PSD3: variants seen among roughly 807,000 people sequenced by gnomAD.
PSD3 encodes the protein PH and SEC7 domain-containing protein 3.
PSD3 carries 49 observed loss-of-function variants against 105.5 expected under a neutral mutation model. The observed-to-expected ratio is 0.46, with a 90% CI of 0.37 to 0.59. The LOEUF (loss-of-function observed/expected upper bound fraction) is 0.59. PSD3 is among the 20% of genes least tolerant of loss of function. The probability of loss-of-function intolerance (pLI) is 0.00; values close to 1 mark genes in which losing one functional copy is unlikely to be tolerated. For synonymous variants in PSD3, 557 were observed against 457.8 expected (o/e 1.22, Z -2.77); for missense variants, 1,561 against 1,263.8 (o/e 1.24, Z -3.57).
At chr8:18,877,493 A>G (rs1817800443) in intron 2 of PSD3, among the ~76,000 whole-genome samples, 1 of 152,124 alleles carries the variant, frequency 6.6e-6, no homozygotes, top group South Asian at 2.1e-4. Flanking sequence ...ATATATATGC[A>G]AAGGTTTATT....
chr8:18,921,461 C>A (rs993018749), intron 2 of PSD3, among the ~76,000 whole-genome samples: 1 of 152,172 alleles, frequency 6.6e-6, no homozygotes, highest in South Asian at 2.1e-4. Flanking sequence ...TTAAGTAGAG[C>A]CTAGGAAGCT....
chr8:18,618,727 A>G (rs1805886812), intron 11 of PSD3, among the ~76,000 whole-genome samples: 1 of 151,712 alleles, frequency 6.6e-6, no homozygotes, highest in South Asian at 2.1e-4. Flanking sequence ...TTTTTGTAAG[A>G]CGGAGTGCAG....
At chr8:18,656,359 CT>C (rs34369920) in intron 9 of PSD3, among the ~76,000 whole-genome samples, 19 of 147,402 alleles carry the variant, frequency 1.3e-4, no homozygotes, top group South Asian at 2.1e-4. Context: ...TGTCTGGCTG[CT>C]TTTTTTTTTT....
chr8:19,078,211 T>G (rs564558248), intron 1 of PSD3, among the ~76,000 whole-genome samples: 2 of 152,184 alleles, frequency 1.3e-5, no homozygotes, highest in Non-Finnish European at 2.9e-5. Flanking sequence ...AACAAAAGTC[T>G]TTCAAAGATA....
chr8:18,719,199 T>A (rs1403181876), intron 9 of PSD3, among the ~76,000 whole-genome samples: 5 of 152,160 alleles, frequency 3.3e-5, no homozygotes, highest in Non-Finnish European at 7.3e-5. Context: ...AAGATGGGTA[T>A]GAGTGGACGC....
intron 9 of PSD3, among the ~76,000 whole-genome samples, chr8:18,673,971 A>G (rs1799931793): frequency 6.6e-6 from 1 of 151,984 alleles, no homozygotes; most frequent in Admixed American, 6.6e-5. Flanking sequence ...ACAAGACCCT[A>G]TCTCTACAAA....
At chr8:18,650,616 T>C (rs975896847) in intron 10 of PSD3, among the ~76,000 whole-genome samples, 2 of 152,200 alleles carry the variant, frequency 1.3e-5, no homozygotes, top group Middle Eastern at 3.2e-3. Context: ...TGTGTTCTCA[T>C]TAGGCAAGGA....
chr8:18,661,745 A>C (rs1192023186), intron 9 of PSD3, among the ~76,000 whole-genome samples: 1 of 152,188 alleles, frequency 6.6e-6, no homozygotes, highest in African/African-American at 2.4e-5. Flanking sequence ...ATGCAAAAGG[A>C]GAAATAGCCT....
chr8:18,754,924 T>C (rs1284039786), intron 9 of PSD3, among the ~76,000 whole-genome samples: 1 of 152,136 alleles, frequency 6.6e-6, no homozygotes, highest in Non-Finnish European at 1.5e-5. Context: ...GGATAGAATA[T>C]TTGCCATGGT....
intron 2 of PSD3, among the ~76,000 whole-genome samples, chr8:18,928,491 T>A (rs1821519326): frequency 6.6e-6 from 1 of 152,208 alleles, no homozygotes; most frequent in African/African-American, 2.4e-5. Context: ...AGATAAAATG[T>A]GTACCATCCA....
intron 1 of PSD3, among the ~76,000 whole-genome samples, chr8:18,984,874 A>C (rs1825423217): frequency 6.6e-6 from 1 of 152,146 alleles, no homozygotes; most frequent in African/African-American, 2.4e-5. Context: ...AGATCCACCA[A>C]CTTAACCAGC....
intron 1 of PSD3, among the ~76,000 whole-genome samples, chr8:19,043,363 T>C (rs570559900): frequency 5.5e-4 from 83 of 152,232 alleles, no homozygotes; most frequent in Non-Finnish European, 9.3e-4. Context: ...CTCTCTCGTC[T>C]GTTAGTGTTT....
At position 19,049,824 on chromosome 8, in the gene PSD3, C is replaced by T. The variant is rs1391549902; in HGVS notation, c.324+34382G>A. Among the ~76,000 whole-genome samples the T allele has an allele frequency of 2.6e-5, 4 of 152,094 alleles. No homozygotes were observed. The East Asian group carries it at 7.7e-4, about 29-fold the overall frequency. Reference sequence around the variant, plus strand: ...CTGCATTGATTAGTGAGACACAGAGCAGCATGGCAAATTCGAGTCTGAAGC... The same window carrying T: ...CTGCATTGATTAGTGAGACACAGAGTAGCATGGCAAATTCGAGTCTGAAGC... On this transcript the variant is annotated intron_variant, in intron 1 of 1. Transcript: ENST00000521475.
intron 9 of PSD3, among the ~76,000 whole-genome samples, chr8:18,745,973 TAGAC>T (rs1033974765): frequency 1.3e-5 from 2 of 152,226 alleles, no homozygotes; most frequent in Non-Finnish European, 2.9e-5. Context: ...GACAAATGCC[TAGAC>T]AGACAGACAG....
intron 4 of PSD3, among the ~76,000 whole-genome samples, chr8:18,812,805 C>T (rs1481986970): frequency 2.6e-5 from 4 of 152,130 alleles, no homozygotes; most frequent in Non-Finnish European, 5.9e-5. Flanking sequence ...AATTCTCAGT[C>T]GCTGGCCTGC....
intron 1 of PSD3, among the ~76,000 whole-genome samples, chr8:18,945,248 G>A (rs2129469649): frequency 6.6e-6 from 1 of 152,302 alleles, no homozygotes; most frequent in Non-Finnish European, 1.5e-5. Flanking sequence ...GGGCTATCTT[G>A]GATTAGCCAA....
At chr8:18,963,018 G>A (rs545899927) in intron 1 of PSD3, among the ~76,000 whole-genome samples, 5 of 152,276 alleles carry the variant, frequency 3.3e-5, no homozygotes, top group Non-Finnish European at 5.9e-5. Context: ...GGTTTAATTG[G>A]ACTTAAAGTT....
At chr8:18,658,683 A>G (rs1479613498) in intron 9 of PSD3, among the ~76,000 whole-genome samples, 1 of 152,054 alleles carries the variant, frequency 6.6e-6, no homozygotes, top group Admixed American at 6.6e-5. Context: ...ACTCTTGATC[A>G]ATCCTACTCT....
intron 13 of PSD3, among the ~76,000 whole-genome samples, chr8:18,573,196 G>A (rs56156724): frequency 0.087 from 13,174 of 152,170 alleles, 822 homozygotes; most frequent in African/African-American, 0.17. Context: ...TATGCCAGAC[G>A]TGGTGGCTCA....
Sources: gnomAD v4.1 joint callset for allele counts (sites outside exome capture counted in the v4.1 genomes callset) on GRCh38, gnomAD v4.1.1 for gene constraint, MANE v1.5 for transcripts, NCBI Gene and HGNC (gene_info 2026-07-23, HGNC 2026-07-21) for gene names.